The following ARB2A variants were observed in gnomAD, a reference collection of about 807,000 sequenced individuals.
ARB2A encodes ARB2 cotranscriptional regulator A.
the ARB2A span, among the ~76,000 whole-genome samples, chr5:93,897,807 G>A: frequency 1.3e-5 from 2 of 151,046 alleles, no homozygotes; most frequent in Admixed American, 6.6e-5. Context: ...CTAGGAATTC[G>A]AACATCTTAA....
the ARB2A span, chr5:93,618,526 G>C: frequency 6.9e-6 from 1 of 144,880 alleles, no homozygotes; most frequent in Admixed American, 6.7e-5. Flanking sequence ...CCTCATGCAG[G>C]TGGGCTACTA....
chr5:93,873,307 G>C, the ARB2A span, among the ~76,000 whole-genome samples: 3 of 50,702 alleles, frequency 5.9e-5, 1 homozygote, highest in African/African-American at 2.5e-4. Context: ...AAAAAGGGGG[G>C]GGGGAAAGAA....
chr5:94,043,948 T>C, the ARB2A span, among the ~76,000 whole-genome samples: 1 of 152,184 alleles, frequency 6.6e-6, no homozygotes, highest in Admixed American at 6.5e-5. Flanking sequence ...TTAGTAAAAA[T>C]GGAAAACTTG....
the ARB2A span, among the ~76,000 whole-genome samples, chr5:93,727,335 T>C: frequency 6.6e-6 from 1 of 152,016 alleles, no homozygotes; most frequent in Non-Finnish European, 1.5e-5. Context: ...TGGAAAAGCA[T>C]TTACTAACCC....
chr5:94,085,729 A>C, the ARB2A span, among the ~76,000 whole-genome samples: 1 of 152,218 alleles, frequency 6.6e-6, no homozygotes, highest in African/African-American at 2.4e-5. Flanking sequence ...TGGAAAAAAA[A>C]CTGTTCTCCA....
the ARB2A span, among the ~76,000 whole-genome samples, chr5:94,027,845 G>A: frequency 6.6e-6 from 1 of 152,298 alleles, no homozygotes; most frequent in South Asian, 2.1e-4. Flanking sequence ...CCAGAGCCTG[G>A]ACTTGAGACT....
the ARB2A span, among the ~76,000 whole-genome samples, chr5:93,643,621 A>T: frequency 6.6e-6 from 1 of 152,018 alleles, no homozygotes; most frequent in Non-Finnish European, 1.5e-5. Flanking sequence ...CAGCATCCCG[A>T]GTAGCTGGGA....
At chr5:94,084,974 T>C in the ARB2A span, among the ~76,000 whole-genome samples, 1 of 152,104 alleles carries the variant, frequency 6.6e-6, no homozygotes, top group East Asian at 1.9e-4. Context: ...ACAACCACAA[T>C]GAAATATTTA....
At chr5:93,894,738 T>C in the ARB2A span, among the ~76,000 whole-genome samples, 1 of 152,136 alleles carries the variant, frequency 6.6e-6, no homozygotes, top group African/African-American at 2.4e-5. Flanking sequence ...TGGATCTCAC[T>C]TACAATACCT....
chr5:93,940,710 T>C, the ARB2A span, among the ~76,000 whole-genome samples: 3 of 152,120 alleles, frequency 2.0e-5, no homozygotes, highest in Non-Finnish European at 4.4e-5. Context: ...TAAAATATCT[T>C]ATTTTACTGA....
At chr5:94,038,080 TA>T in the ARB2A span, among the ~76,000 whole-genome samples, 2 of 152,054 alleles carry the variant, frequency 1.3e-5, no homozygotes, top group Admixed American at 1.3e-4. Flanking sequence ...TTTCAAGATA[TA>T]TATCAAAGAA....
At chr5:94,110,953 G>T in the ARB2A span, among the ~76,000 whole-genome samples, 1 of 152,166 alleles carries the variant, frequency 6.6e-6, no homozygotes, top group African/African-American at 2.4e-5. Flanking sequence ...CTGGATGAGG[G>T]AAAGAGAAGA....
chr5:93,909,592 C>T, the ARB2A span, among the ~76,000 whole-genome samples: 1 of 150,680 alleles, frequency 6.6e-6, no homozygotes, highest in African/African-American at 2.4e-5. Flanking sequence ...TAGTTATAGT[C>T]TAACATTTAA....
At chr5:93,755,938 G>C in the ARB2A span, among the ~76,000 whole-genome samples, 1 of 152,210 alleles carries the variant, frequency 6.6e-6, no homozygotes, top group Non-Finnish European at 1.5e-5. Flanking sequence ...CGAGAACCAA[G>C]CCCTTTTACT....
chr5:94,010,126 G>T, the ARB2A span, among the ~76,000 whole-genome samples: 1 of 151,822 alleles, frequency 6.6e-6, no homozygotes, highest in Non-Finnish European at 1.5e-5. Context: ...ATTTCTTAAG[G>T]TGGAAGGTTA....
At chr5:93,937,804 C>T in the ARB2A span, among the ~76,000 whole-genome samples, 2 of 152,180 alleles carry the variant, frequency 1.3e-5, no homozygotes, top group African/African-American at 4.8e-5. Context: ...AGCCTACATA[C>T]ATCCTTCTGT....
chr5:93,776,007 T>C, the ARB2A span: 3 of 621,926 alleles, frequency 4.8e-6, no homozygotes, highest in South Asian at 7.7e-5. Context: ...TATGTGATAG[T>C]GGATTCTACC....
chr5:93,985,404 CT>C, the ARB2A span, among the ~76,000 whole-genome samples: 1 of 151,690 alleles, frequency 6.6e-6, no homozygotes, highest in African/African-American at 2.4e-5. Flanking sequence ...TGGTCTCCCC[CT>C]CTCCCTCTTT....
At chr5:93,768,157 A>G in the ARB2A span, among the ~76,000 whole-genome samples, 1 of 151,892 alleles carries the variant, frequency 6.6e-6, no homozygotes, top group African/African-American at 2.4e-5. Flanking sequence ...TGAGGACGTA[A>G]TAGCATAAGA....
Sources: allele counts gnomAD v4.1 joint callset (sites outside exome capture counted in the v4.1 genomes callset), GRCh38; gene constraint gnomAD v4.1.1; transcripts MANE v1.5; gene names NCBI Gene and HGNC (gene_info 2026-07-23, HGNC 2026-07-21).